NDUFS4: variants seen among roughly 807,000 people sequenced by gnomAD.
NDUFS4 encodes NADH:ubiquinone oxidoreductase subunit S4.
In NDUFS4, 28 loss-of-function variants were observed where a neutral mutation model predicts 24.3. That is an observed-to-expected ratio of 1.15 (90% CI 0.85 to 1.58). The LOEUF (loss-of-function observed/expected upper bound fraction) is 1.58, where lower values mean the gene tolerates loss of function less well. NDUFS4 is among the 40% of genes most tolerant of loss of function. NDUFS4 has a pLI of 0.00. For synonymous variants in NDUFS4, 93 were observed against 69.7 expected, an observed-to-expected ratio of 1.34 and a Z score of -1.67; for missense variants, 223 against 207.9, an observed-to-expected ratio of 1.07 and a Z score of -0.45.
intron 1 of NDUFS4, among the ~76,000 whole-genome samples, chr5:53,591,699 A>G (rs1423651515): frequency 2.0e-5 from 3 of 152,202 alleles, no homozygotes; most frequent in Admixed American, 6.5e-5. Context: ...CCCACCAGCG[A>G]TGAATGAGAC....
chr5:53,590,739 C>G (rs1185889569), intron 1 of NDUFS4, among the ~76,000 whole-genome samples: 1 of 152,134 alleles, frequency 6.6e-6, no homozygotes, highest in Non-Finnish European at 1.5e-5. Flanking sequence ...TTATCTGTTT[C>G]TTCACAAGGC....
chr5:53,564,960 T>C (rs1435428673), intron 1 of NDUFS4, among the ~76,000 whole-genome samples: 3 of 152,258 alleles, frequency 2.0e-5, no homozygotes, highest in African/African-American at 7.2e-5. Flanking sequence ...AGTATTGTGA[T>C]AGATTGTGTT....
intron 2 of NDUFS4, among the ~76,000 whole-genome samples, chr5:53,643,041 T>G (rs1751748433): frequency 1.3e-5 from 2 of 152,168 alleles, no homozygotes; most frequent in African/African-American, 4.8e-5. Context: ...GGTTTCATAC[T>G]TGACCCAACT....
chr5:53,625,058 A>G (rs1039166297), intron 2 of NDUFS4, among the ~76,000 whole-genome samples: 2 of 151,766 alleles, frequency 1.3e-5, no homozygotes, highest in Admixed American at 6.6e-5. Context: ...AGATCCTCCC[A>G]CCTCATCTTC....
At chr5:53,665,481 G>C (rs1037248438) in intron 4 of NDUFS4, among the ~76,000 whole-genome samples, 1 of 152,176 alleles carries the variant, frequency 6.6e-6, no homozygotes, top group Non-Finnish European at 1.5e-5. Flanking sequence ...CACCCAGTTC[G>C]AGCTTCCTGG....
At chr5:53,659,410 C>A (rs1295514911) in intron 4 of NDUFS4, among the ~76,000 whole-genome samples, 1 of 152,124 alleles carries the variant, frequency 6.6e-6, no homozygotes, top group African/African-American at 2.4e-5. Context: ...CTTAATGTTT[C>A]TCAGTTGAAA....
chr5:53,561,216 A>G (rs1748834167), intron 1 of NDUFS4, among the ~76,000 whole-genome samples: 1 of 152,154 alleles, frequency 6.6e-6, no homozygotes, highest in Non-Finnish European at 1.5e-5. Context: ...TGGTTTCTGC[A>G]TAGGAAGATT....
chr5:53,647,030 A>T (rs560263002), intron 3 of NDUFS4, among the ~76,000 whole-genome samples: 2 of 151,746 alleles, frequency 1.3e-5, no homozygotes, highest in African/African-American at 4.8e-5. Flanking sequence ...TAATATAGTG[A>T]CACTTTAACT....
intron 1 of NDUFS4, among the ~76,000 whole-genome samples, chr5:53,562,995 C>T (rs1227331175): frequency 6.6e-6 from 1 of 151,894 alleles, no homozygotes; most frequent in African/African-American, 2.4e-5. Flanking sequence ...TTTGGGAGGC[C>T]GAGGCGGGCA....
At chr5:53,632,041 C>T (rs997546431) in intron 2 of NDUFS4, among the ~76,000 whole-genome samples, 10 of 152,184 alleles carry the variant, frequency 6.6e-5, no homozygotes, top group Non-Finnish European at 1.5e-4. Context: ...GGTCTGCACC[C>T]ACTGTCCAGC....
intron 2 of NDUFS4, among the ~76,000 whole-genome samples, chr5:53,633,433 G>A (rs1422677741): frequency 3.3e-5 from 5 of 152,074 alleles, no homozygotes; most frequent in African/African-American, 1.2e-4. Context: ...TATACATTGA[G>A]GAAGATAAAG....
At chr5:53,662,142 A>G (rs1316650329) in intron 4 of NDUFS4, among the ~76,000 whole-genome samples, 1 of 152,202 alleles carries the variant, frequency 6.6e-6, no homozygotes, top group Non-Finnish European at 1.5e-5. Context: ...TTTGTCATAG[A>G]TAGCTCTTAT....
At chr5:53,569,732 A>G (rs150019326) in intron 1 of NDUFS4, among the ~76,000 whole-genome samples, 63 of 152,312 alleles carry the variant, frequency 4.1e-4, no homozygotes, top group African/African-American at 1.3e-3. Context: ...GACATTTGTC[A>G]TCACTCATTC....
chr5:53,663,775 ACT>A (rs1179688708), intron 4 of NDUFS4, among the ~76,000 whole-genome samples: 22 of 151,746 alleles, frequency 1.4e-4, no homozygotes, highest in Non-Finnish European at 2.5e-4. Flanking sequence ...ATGGGTCCTG[ACT>A]CTGTATCCAG....
At chr5:53,601,887 T>G (rs1024755140) in intron 1 of NDUFS4, among the ~76,000 whole-genome samples, 2 of 152,182 alleles carry the variant, frequency 1.3e-5, no homozygotes, top group African/African-American at 4.8e-5. Flanking sequence ...AACCTTTATT[T>G]TACTTAATTG....
At chr5:53,583,761 C>T (rs945142229) in intron 1 of NDUFS4, among the ~76,000 whole-genome samples, 19 of 152,084 alleles carry the variant, frequency 1.2e-4, no homozygotes, top group African/African-American at 3.9e-4. Flanking sequence ...CAAGATAAGA[C>T]GCACTGGTGG....
At chr5:53,623,501 C>G (rs1185790743) in intron 2 of NDUFS4, among the ~76,000 whole-genome samples, 1 of 152,098 alleles carries the variant, frequency 6.6e-6, no homozygotes, top group African/African-American at 2.4e-5. Context: ...TCTGTATATT[C>G]TGGATCTTAA....
At chr5:53,605,114 A>G (rs1228374262) in intron 2 of NDUFS4, among the ~76,000 whole-genome samples, 2 of 152,088 alleles carry the variant, frequency 1.3e-5, no homozygotes, top group African/African-American at 4.8e-5. Context: ...TCAGCTACTC[A>G]GGAGGCTGAG....
chr5:53,670,176 C>A (rs947002553), intron 4 of NDUFS4, among the ~76,000 whole-genome samples: 5 of 151,770 alleles, frequency 3.3e-5, no homozygotes, highest in Non-Finnish European at 1.5e-5. Context: ...GATAGGATAC[C>A]GAGACCTAGA....
Sources: gnomAD v4.1 joint callset for allele counts (sites outside exome capture counted in the v4.1 genomes callset) on GRCh38, gnomAD v4.1.1 for gene constraint, MANE v1.5 for transcripts, NCBI Gene and HGNC (gene_info 2026-07-23, HGNC 2026-07-21) for gene names.